Variants in SMAP2 observed in about 807,000 individuals in gnomAD.
SMAP2 encodes small ArfGAP2.
In SMAP2, 25 loss-of-function variants were observed where a neutral mutation model predicts 56.4. The ratio of observed to expected loss-of-function variants is 0.44; its 90% CI spans 0.32 to 0.62. SMAP2 has a LOEUF of 0.62. Among genes scored for constraint, SMAP2 ranks in the 20% least tolerant of loss-of-function variants. The pLI is 0.04. For missense variants in SMAP2, 388 were observed against 545.6 expected, an observed-to-expected ratio of 0.71 and a Z score of 2.88; for synonymous variants, 157 against 181.7, an observed-to-expected ratio of 0.86 and a Z score of 1.09.
intron 1 of SMAP2, among the ~76,000 whole-genome samples, chr1:40,357,265 G>A (rs1036670190): frequency 2.6e-5 from 4 of 152,126 alleles, no homozygotes; most frequent in African/African-American, 9.6e-5. Context: ...GACCAGCCTG[G>A]ACAACATGGT....
chr1:40,399,756 G>C (rs1442747282), intron 1 of SMAP2, among the ~76,000 whole-genome samples: 1 of 150,250 alleles, frequency 6.7e-6, no homozygotes, highest in Admixed American at 6.6e-5. Context: ...AAGGGTAAAT[G>C]AAAGTTCATA....
At position 40,408,544 on chromosome 1, in the gene SMAP2, A is replaced by C. The variant is rs1024168826; in HGVS notation, c.238-109A>C. On this transcript the variant is annotated intron_variant, in intron 2 of 9. Transcript: ENST00000372718. The surrounding 1 kb of genome is among the most constrained non-coding windows in gnomAD (Gnocchi z 4.3). ...TACACAAGTTTAAATGTTGGTTCTGACACTCTCTAGGTTGGTTCTTCAATT... is the reference window on the plus strand; with the variant it reads ...TACACAAGTTTAAATGTTGGTTCTGCCACTCTCTAGGTTGGTTCTTCAATT... 1.8e-5 allele frequency: 14 copies of C among 781,014 alleles called. No homozygotes were observed. The African/African-American group carries it at 2.5e-4, about 14-fold the overall frequency. 48.4% of individuals were successfully genotyped at this position (781,014 alleles called of 1,614,324 possible).
chr1:40,370,721 G>T (rs370572499), upstream of SMAP2, among the ~76,000 whole-genome samples: 2 of 103,558 alleles, frequency 1.9e-5, no homozygotes, highest in Non-Finnish European at 3.8e-5. Flanking sequence ...TAGGGGGAGG[G>T]GGGAGGGATA....
chr1:40,391,923 C>T (rs1275855560), intron 1 of SMAP2, among the ~76,000 whole-genome samples: 1 of 152,048 alleles, frequency 6.6e-6, no homozygotes, highest in Non-Finnish European at 1.5e-5. Flanking sequence ...AACTTGAGAA[C>T]CAAGTTTGCT....
chr1:40,355,821 G>A (rs1644432877), intron 1 of SMAP2, among the ~76,000 whole-genome samples: 1 of 151,874 alleles, frequency 6.6e-6, no homozygotes, highest in South Asian at 2.1e-4. Context: ...TGTTGCCAAG[G>A]TTGCTGTGGA....
upstream of SMAP2, among the ~76,000 whole-genome samples, chr1:40,373,415 G>A (rs944633689): frequency 6.6e-6 from 1 of 152,224 alleles, no homozygotes; most frequent in African/African-American, 2.4e-5. Context: ...GATAGTTCAT[G>A]CAAAGCGCTT....
intron 1 of SMAP2, among the ~76,000 whole-genome samples, chr1:40,388,366 A>ATGCC: frequency 6.6e-6 from 1 of 152,320 alleles, no homozygotes; most frequent in South Asian, 2.1e-4. Flanking sequence ...GGGATTGTAA[A>ATGCC]TACACCAGTC....
intron 2 of SMAP2, among the ~76,000 whole-genome samples, chr1:40,365,874 G>A (rs879696812): frequency 9.9e-4 from 150 of 151,584 alleles, no homozygotes; most frequent in Non-Finnish European, 1.9e-3. Flanking sequence ...CGAGCTGAGA[G>A]AAGAAGGCTT....
At chr1:40,390,859 G>T (rs2124272474) in intron 1 of SMAP2, among the ~76,000 whole-genome samples, 1 of 152,180 alleles carries the variant, frequency 6.6e-6, no homozygotes. Flanking sequence ...TTAGAATTTT[G>T]TACTCTAAAC....
intron 7 of SMAP2, among the ~76,000 whole-genome samples, 165 bp downstream of exon 7, chr1:40,415,546 T>C (rs1388581293): frequency 6.6e-6 from 1 of 152,220 alleles, no homozygotes; most frequent in Admixed American, 6.5e-5. Flanking sequence ...AGTCTAAGAT[T>C]GCTGTTCATG....
intron 1 of SMAP2, among the ~76,000 whole-genome samples, chr1:40,406,022 G>A (rs1426905723): frequency 6.6e-6 from 1 of 152,194 alleles, no homozygotes; most frequent in Non-Finnish European, 1.5e-5. Flanking sequence ...ATAGGCCTGG[G>A]GTTGGGGGGA....
At chr1:40,354,457 G>C (rs1281486355) in intron 1 of SMAP2, among the ~76,000 whole-genome samples, 2 of 151,970 alleles carry the variant, frequency 1.3e-5, no homozygotes, top group Non-Finnish European at 2.9e-5. Context: ...TCCTGCCTCA[G>C]TCTCCCGAGT....
intron 1 of SMAP2, among the ~76,000 whole-genome samples, chr1:40,357,539 T>G (rs1644441623): frequency 6.6e-6 from 1 of 152,132 alleles, no homozygotes; most frequent in Admixed American, 6.6e-5. Flanking sequence ...CAGTGTTTTC[T>G]TTTAGTAGTT....
In SMAP2 at chr1:40,385,830, T is replaced by C. The variant is rs1397941444; in HGVS notation, c.103+11607T>C. Among the ~76,000 whole-genome samples the C allele has an allele frequency of 1.3e-5, 2 of 152,256 alleles. No homozygotes were observed. The highest frequency in any genetic ancestry group is 2.9e-5 in the Non-Finnish European group (2 of 68,042). Reference sequence around the variant, plus strand: ...TCTGAAGTGCGCACACAGTACATTTTGTTCTTTAACTTCCTCTTTTCTTGT... The same window carrying C: ...TCTGAAGTGCGCACACAGTACATTTCGTTCTTTAACTTCCTCTTTTCTTGT... On this transcript the variant is annotated intron_variant, in intron 1 of 9. Transcript: ENST00000372718. This position sits in a 1 kb window ranked among gnomAD's most constrained non-coding sequence, Gnocchi z 4.5.
intron 1 of SMAP2, among the ~76,000 whole-genome samples, chr1:40,380,191 G>GCC (rs1475511972): frequency 6.6e-6 from 1 of 152,180 alleles, no homozygotes; most frequent in Non-Finnish European, 1.5e-5. Context: ...GTTACTGGGA[G>GCC]CCACAGTTAG....
At chr1:40,400,034 G>A (rs959774174) in intron 1 of SMAP2, among the ~76,000 whole-genome samples, 4 of 152,300 alleles carry the variant, frequency 2.6e-5, no homozygotes, top group South Asian at 2.1e-4. Context: ...GGTTTAGACT[G>A]GGGAGCCAAG....
At chr1:40,417,594 A>G (rs427371) in intron 9 of SMAP2, among the ~76,000 whole-genome samples, 137,432 of 152,140 alleles carry the variant, frequency 0.9, 62,257 homozygotes, top group East Asian at 0.97. Context: ...CATCAAAGAC[A>G]TACTGAGAAC....
At chr1:40,396,532 A>G (rs573648807) in intron 1 of SMAP2, among the ~76,000 whole-genome samples, 7 of 152,278 alleles carry the variant, frequency 4.6e-5, no homozygotes, top group African/African-American at 1.7e-4. Flanking sequence ...TCTTTTTTCA[A>G]CAGTACAAAT....
Position 40,374,999 on chromosome 1 carries a change from G to A in SMAP2, c.103+776G>A, listed in dbSNP as rs997043214. ...AATTCGATGAATTCATTGCTTCCAT[G>A]GCGATTACACTTCTAAAGGTGAAAT... On this transcript the variant is annotated intron_variant, in intron 1 of 9. Coordinates refer to ENST00000372718, the MANE Select transcript of SMAP2 (RefSeq NM_022733.3). The surrounding 1 kb of genome is among the most constrained non-coding windows in gnomAD (Gnocchi z 5.9). The A allele has an allele frequency of 2.0e-6, 2 of 985,212 alleles. No individual in the cohort carries two copies. The highest frequency in any genetic ancestry group is 1.7e-5 in the African/African-American group (1 of 57,198). The allele number at this position is 985,212 out of a possible 1,614,324, so 61.0% of individuals were successfully genotyped here.
Sources: allele counts gnomAD v4.1 joint callset (sites outside exome capture counted in the v4.1 genomes callset), GRCh38; gene constraint gnomAD v4.1.1; non-coding constraint Gnocchi (gnomAD v3.1); transcripts MANE v1.5; gene names NCBI Gene and HGNC (gene_info 2026-07-23, HGNC 2026-07-21).